The following NUDT12 variants were observed in gnomAD, a reference collection of about 807,000 sequenced individuals.
NUDT12 encodes NAD-capped RNA hydrolase NUDT12.
A neutral mutation model predicts 45.7 loss-of-function variants in NUDT12; 42 were observed. The ratio of observed to expected loss-of-function variants is 0.92; its 90% CI spans 0.72 to 1.19. The LOEUF (loss-of-function observed/expected upper bound fraction) is 1.19, where lower values mean the gene tolerates loss of function less well. NUDT12 is among the 50% of genes most tolerant of loss of function. NUDT12 has a pLI of 0.00. For synonymous variants in NUDT12, 206 were observed against 179.7 expected (o/e 1.15, Z -1.17); for missense variants, 590 against 533.1 (o/e 1.11, Z -1.05).
Position 103,559,381 on chromosome 5 carries a change from T to C in NUDT12, c.294A>G (p.Leu98=), listed in dbSNP as rs1048813964. ...GCTTCTTCCCACCTTTAGCAGTAGC[T>C]AGTAAATTAGCTATATGCTTATAAC... The part of the protein sequence containing the change: ...FWGYKHIANL[L]ATAKGGKKPW... Residue 98 remains leucine (L), a synonymous_variant, in exon 3 of 7, where the codon CTA becomes CTG. Coordinates refer to ENST00000230792, the MANE Select transcript of NUDT12 (RefSeq NM_031438.4). The C allele has an allele frequency of 6.2e-7, 1 of 1,612,952 alleles. No homozygotes were observed. Among genetic ancestry groups the C allele is most frequent in the African/African-American group, 1.3e-5 (1 of 74,972 alleles).
rs1748681369 is a variant in NUDT12, at chr5:103,552,368, C to A, written c.1127G>T (p.Gly376Val). 1.8e-5 allele frequency: 29 copies of A among 1,613,838 alleles called. No homozygotes were observed. The highest frequency in any genetic ancestry group is 2.4e-5 in the Non-Finnish European group (28 of 1,179,930). The stretch of plus-strand genomic sequence containing the variant: ...ATACTGAACATGGCCAACTTTGACT[C>A]CACTTTCCTCTTCTACTTCTCTCCT... ...AVRREVEEES[G>V]VKVGHVQYVA... The change falls in exon 6 of 7, where the codon GGA (glycine) becomes GTA (valine). Residue 376 changes from glycine (G) to valine (V), a missense_variant. Gly to Val is a moderately radical substitution (Grantham distance 109). Coordinates refer to ENST00000230792, the MANE Select transcript of NUDT12 (RefSeq NM_031438.4).
chr5:103,556,106 AAAAAG>A lies in NUDT12; in HGVS notation c.797-13_797-9del, dbSNP rs778259610. 3 of 1,550,114 alleles carry A rather than the reference AAAAAG, an allele frequency of 1.9e-6. No individual in the cohort carries two copies. Among genetic ancestry groups the A allele is most frequent in the African/African-American group, 2.8e-5 (2 of 71,642 alleles). ...TTGCTTGAGCTACAACCCCTTCAAA[AAAAAG>A]AAAAGCACAAAAATTTTAATTCTGT... On this transcript the variant is annotated splice_polypyrimidine_tract_variant and intron_variant, in intron 3 of 6. Coordinates refer to ENST00000230792, the MANE Select transcript of NUDT12 (RefSeq NM_031438.4).
At position 103,550,396 on chromosome 5, in the gene NUDT12, A is replaced by G. The variant is rs890754409; in HGVS notation, c.*465T>C. The G allele has an allele frequency of 6.4e-6, 1 of 155,716 alleles. No individual in the cohort carries two copies. The highest frequency in any genetic ancestry group is 2.4e-5 in the African/African-American group (1 of 41,468). 9.6% of individuals were successfully genotyped at this position (155,716 alleles called of 1,614,324 possible). ...CATATATTGACAACTTAAAGGTAAC[A>G]AAAGGACTAAAAAATCAATGCCAGC... On this transcript the variant is annotated 3_prime_UTR_variant, in exon 7 of 7. Coordinates refer to ENST00000230792, the MANE Select transcript of NUDT12 (RefSeq NM_031438.4).
Position 103,549,333 on chromosome 5 carries a change from T to G in NUDT12, c.*1528A>C, listed in dbSNP as rs1169416076. 6.6e-6 allele frequency: 1 copy of G among 152,044 alleles called. No homozygotes were observed. The highest frequency in any genetic ancestry group is 6.6e-5 in the Admixed American group (1 of 15,266). The allele number at this position is 152,044 out of a possible 1,614,324, so 9.4% of individuals were successfully genotyped here. A position where few individuals can be genotyped will look rare whatever the true frequency, so the allele number is the denominator to read the frequency against. Reference sequence around the variant, plus strand: ...CTTGATACCAATAAGCCTTCATCAATTCCTAAGAAAATCACTGCTCATTAG... The same window carrying G: ...CTTGATACCAATAAGCCTTCATCAAGTCCTAAGAAAATCACTGCTCATTAG... On this transcript the variant is annotated 3_prime_UTR_variant, in exon 7 of 7. Transcript: ENST00000230792.
At chr5:103,559,876 A>G (rs909452400) in intron 2 of NUDT12, 167 bp downstream of exon 2, 27 of 560,698 alleles carry the variant, frequency 4.8e-5, no homozygotes, top group Non-Finnish European at 8.5e-5. Context: ...AAAAGGTTAC[A>G]AAGTTTTAAG....
rs376220469 is a variant in NUDT12, at chr5:103,559,351, C to T, written c.324G>A (p.Trp108Ter). 8 of 1,613,458 alleles carry T rather than the reference C, an allele frequency of 5.0e-6. No homozygotes were observed. In the African/African-American group the frequency reaches 5.3e-5, roughly 11 times the overall value. The change falls in exon 3 of 7, where the codon TGG becomes TGA. Residue 108 changes from tryptophan (W) to a stop codon, truncating the protein, a stop_gained. Coordinates refer to ENST00000230792, the MANE Select transcript of NUDT12 (RefSeq NM_031438.4). LOFTEE classifies it high-confidence loss of function. ...LATAKGGKKP[W>*]FLTNEVEECE... ...ATTCTTCCACTTCATTCGTTAGGAACCAAGGCTTCTTCCCACCTTTAGCAG... is the reference window on the plus strand; with the variant it reads ...ATTCTTCCACTTCATTCGTTAGGAATCAAGGCTTCTTCCCACCTTTAGCAG...
In NUDT12 at chr5:103,558,137, G is replaced by A. The variant is rs188457957; in HGVS notation, c.796+742C>T. ...ATCCAATTCAATAGCAAAGACCAGT[G>A]ATTTTCTCTCCAAACTTTATCTTGC... On this transcript the variant is annotated intron_variant, in intron 3 of 6. Transcript: ENST00000230792. Among the ~76,000 whole-genome samples, 77 of 151,952 alleles carry A rather than the reference G, an allele frequency of 5.1e-4. 3 individuals carry two copies. The highest frequency in any genetic ancestry group is 1.5e-4 in the Non-Finnish European group (10 of 67,938).
rs139693268 is a variant in NUDT12, at chr5:103,557,961, T to A, written c.796+918A>T. On this transcript the variant is annotated intron_variant, in intron 3 of 6. Coordinates refer to ENST00000230792, the MANE Select transcript of NUDT12 (RefSeq NM_031438.4). ...AAACTTAGTATGCCCAAAAGTAAAC[T>A]CTTGATTTTTTTAATCCAAGTCTGT... Among the ~76,000 whole-genome samples, 2 of 152,118 alleles carry A rather than the reference T, an allele frequency of 1.3e-5. 1 individual carries two copies. Among genetic ancestry groups the A allele is most frequent in the East Asian group, 3.9e-4 (2 of 5,180 alleles).
chr5:103,559,157 T>G lies in NUDT12; in HGVS notation c.518A>C (p.Glu173Ala). 1 of 1,564,318 alleles carries G rather than the reference T, an allele frequency of 6.4e-7. No individual in the cohort carries two copies. ...GGNKESFQQPEVRLCQLNYTD... is the reference protein window; with the variant it reads ...GGNKESFQQPAVRLCQLNYTD... ...GTAGTTCAGCTGACAAAGCCTAACT[T>G]CTGGCTGTTGGAAACTTTCTTTATT... Residue 173 changes from glutamate to alanine, a missense_variant, in exon 3 of 7, where the codon GAA (glutamate) becomes GCA (alanine). Glu to Ala is a moderately radical substitution (Grantham distance 107). Coordinates refer to ENST00000230792, the MANE Select transcript of NUDT12 (RefSeq NM_031438.4).
intron 4 of NUDT12, 60 bp downstream of exon 4, chr5:103,555,871 T>C (rs1177409688): frequency 1.1e-5 from 15 of 1,326,908 alleles, no homozygotes; most frequent in Non-Finnish European, 1.5e-5. Context: ...AAATTTTCTC[T>C]TTCCAAAATA....
In NUDT12 at chr5:103,552,339, C is replaced by T. The variant is rs139189967; in HGVS notation, c.1156G>A (p.Ala386Thr). Residue 386 changes from alanine (A) to threonine (T), a missense_variant, in exon 6 of 7, where the codon GCT becomes ACT. Ala to Thr is a moderately conservative substitution (Grantham distance 58). Coordinates refer to ENST00000230792, the MANE Select transcript of NUDT12 (RefSeq NM_031438.4). ...GAAGGCATTGGCCATGGTTGACAAG[C>T]AACATACTGAACATGGCCAACTTTG... ...GVKVGHVQYV[A>T]CQPWPMPSSL... 3.1e-3 allele frequency: 5,020 copies of T among 1,613,872 alleles called. 13 individuals carry two copies. Among genetic ancestry groups the T allele is most frequent in the Non-Finnish European group, 4.1e-3 (4,783 of 1,179,858 alleles).
intron 1 of NUDT12, among the ~76,000 whole-genome samples, chr5:103,561,766 G>C (rs987856007): frequency 6.6e-6 from 1 of 152,132 alleles, no homozygotes; most frequent in Admixed American, 6.6e-5. Flanking sequence ...ATATTTCACT[G>C]TCTCATGTTC....
At chr5:103,557,299 A>ATATATGTC (rs1256542645) in intron 3 of NUDT12, among the ~76,000 whole-genome samples, 1 of 145,896 alleles carries the variant, frequency 6.9e-6, no homozygotes, top group Non-Finnish European at 1.5e-5. Context: ...ATATATATAT[A>ATATATGTC]TATATGTCTA....
chr5:103,554,971 G>C, intron 4 of NUDT12, 118 bp from the exon 5 acceptor site: 1 of 423,230 alleles, frequency 2.4e-6, no homozygotes. Flanking sequence ...TAGAACTCTT[G>C]TCTGGTTGTA....
chr5:103,555,815 G>GTGTTAAACATTAAGACAT (rs1748796576), intron 4 of NUDT12, 116 bp downstream of exon 4: 1 of 636,798 alleles, frequency 1.6e-6, no homozygotes, highest in Non-Finnish European at 2.5e-6. Flanking sequence ...CATTCTTAAT[G>GTGTTAAACATTAAGACAT]GTTAGACATG....
chr5:103,553,230 T>A (rs539682698), intron 5 of NUDT12, among the ~76,000 whole-genome samples: 266 of 152,126 alleles, frequency 1.7e-3, no homozygotes, highest in Non-Finnish European at 3.2e-3. Flanking sequence ...GTAAGGTATT[T>A]GCAAAACCAT....
rs374805347 is a variant in NUDT12, at chr5:103,560,026, C to T, written c.206+17G>A. 1.6e-5 allele frequency: 25 copies of T among 1,567,818 alleles called. No homozygotes were observed. Among genetic ancestry groups the T allele is most frequent in the Non-Finnish European group, 2.1e-5 (24 of 1,138,216 alleles). ...AAACCACAAACCCTTTCAGGTGGTA[C>T]AGCCTAAAATGTTTACCCTTTCTCA... On this transcript the variant is annotated intron_variant, in intron 2 of 6. Coordinates refer to ENST00000230792, the MANE Select transcript of NUDT12 (RefSeq NM_031438.4).
Position 103,559,528 on chromosome 5 carries a change from G to T in NUDT12, c.207-60C>A, listed in dbSNP as rs528119977. 17 of 821,644 alleles carry T rather than the reference G, an allele frequency of 2.1e-5. No individual in the cohort carries two copies. In the East Asian group the frequency reaches 4.7e-4, roughly 23 times the overall value. The allele number at this position is 821,644 out of a possible 1,614,324, so 50.9% of individuals were successfully genotyped here. ...AAAATAGGAAGTAAACACTTTCTCC[G>T]TATTTATTTCACTAAAATATTTCCA... is the stretch of plus-strand genomic sequence containing the variant. On this transcript the variant is annotated intron_variant, in intron 2 of 6. Transcript: ENST00000230792.
Position 103,559,365 on chromosome 5 carries a change from C to G in NUDT12, c.310G>C (p.Gly104Arg). Residue 104 changes from glycine (G) to arginine (R), a missense_variant, in exon 3 of 7, where the codon GGG becomes CGG. Physicochemically the swap from Gly to Arg is moderately radical, Grantham distance 125. Coordinates refer to ENST00000230792, the MANE Select transcript of NUDT12 (RefSeq NM_031438.4). ...TTCGTTAGGAACCAAGGCTTCTTCC[C>G]ACCTTTAGCAGTAGCTAGTAAATTA... ...IANLLATAKG[G>R]KKPWFLTNEV... The G allele has an allele frequency of 1.2e-6, 2 of 1,613,366 alleles. No homozygotes were observed. The highest frequency in any genetic ancestry group is 1.7e-6 in the Non-Finnish European group (2 of 1,179,622).
Sources: gnomAD v4.1 joint callset for allele counts (sites outside exome capture counted in the v4.1 genomes callset) on GRCh38, gnomAD v4.1.1 for gene constraint, MANE v1.5 for transcripts, NCBI Gene and HGNC (gene_info 2026-07-23, HGNC 2026-07-21) for gene names.